Variants in ABLIM1 observed in about 807,000 individuals in gnomAD.
ABLIM1 encodes the protein actin binding LIM protein 1, also known as actin-binding LIM protein 1.
ABLIM1 carries 40 observed loss-of-function variants against 107.0 expected under a neutral mutation model. That is an observed-to-expected ratio of 0.37 (90% confidence interval 0.29 to 0.49). ABLIM1 has a LOEUF of 0.49. Among genes scored for constraint, ABLIM1 ranks in the 20% least tolerant of loss-of-function variants. The pLI is 0.97. For synonymous variants in ABLIM1, 357 were observed against 357.3 expected (o/e 1.00, Z 0.01); for missense variants, 857 against 1,008.5 (o/e 0.85, Z 2.04).
chr10:114,530,534 T>C (rs1263658618), intron 6 of ABLIM1, among the ~76,000 whole-genome samples: 2 of 152,116 alleles, frequency 1.3e-5, no homozygotes, highest in Non-Finnish European at 2.9e-5. Flanking sequence ...AATATTTATT[T>C]ATTTATTTAT....
At chr10:114,540,170 T>C (rs751878669) in intron 6 of ABLIM1, among the ~76,000 whole-genome samples, 13 of 152,134 alleles carry the variant, frequency 8.5e-5, no homozygotes, top group African/African-American at 1.2e-4. Context: ...CTATGCTGAG[T>C]GTTACGTGCT....
intron 4 of ABLIM1, among the ~76,000 whole-genome samples, chr10:114,562,484 G>A (rs566030558): frequency 4.6e-5 from 7 of 152,272 alleles, no homozygotes; most frequent in South Asian, 2.1e-4. Context: ...AGCCAAGATC[G>A]CGCCACTGCA....
chr10:114,772,553 G>C (rs566580308), upstream of ABLIM1, among the ~76,000 whole-genome samples: 4 of 152,284 alleles, frequency 2.6e-5, no homozygotes, highest in East Asian at 5.8e-4. Flanking sequence ...GCTGCGGTGA[G>C]CTATGATTGC....
chr10:114,684,249 A>C (rs1208317758), intron 1 of ABLIM1: 2 of 1,600,644 alleles, frequency 1.2e-6, no homozygotes, highest in South Asian at 2.2e-5. Flanking sequence ...GGTCGACCCC[A>C]GACAGAATAT....
chr10:114,703,645 C>T (rs1241686349), intron 1 of ABLIM1, among the ~76,000 whole-genome samples: 1 of 152,244 alleles, frequency 6.6e-6, no homozygotes, highest in African/African-American at 2.4e-5. Flanking sequence ...AGGAGGTCAG[C>T]ATTCAGTCAT....
chr10:114,732,607 G>A (rs2082099389), intron 1 of ABLIM1, among the ~76,000 whole-genome samples: 1 of 151,960 alleles, frequency 6.6e-6, no homozygotes. Flanking sequence ...TTCCTTGGTT[G>A]CTTGTGCTAA....
chr10:114,635,429 C>T (rs929386201), intron 1 of ABLIM1, among the ~76,000 whole-genome samples: 3 of 152,258 alleles, frequency 2.0e-5, no homozygotes, highest in Non-Finnish European at 2.9e-5. Context: ...GGGTCACTTA[C>T]TGTACGTGCA....
intron 6 of ABLIM1, among the ~76,000 whole-genome samples, chr10:114,541,996 C>T (rs1483671984): frequency 6.6e-6 from 1 of 152,134 alleles, no homozygotes; most frequent in Non-Finnish European, 1.5e-5. Context: ...CACAGCTCCA[C>T]ATGTGGACTA....
At chr10:114,647,314 T>C (rs2483530) in intron 1 of ABLIM1, among the ~76,000 whole-genome samples, 3,250 of 151,188 alleles carry the variant, frequency 0.021, 103 homozygotes, top group African/African-American at 0.076. Context: ...AGTTATTAAG[T>C]AGCCACTGCC....
At chr10:114,532,383 C>A (rs1297399823) in intron 6 of ABLIM1, among the ~76,000 whole-genome samples, 8 of 152,216 alleles carry the variant, frequency 5.3e-5, no homozygotes, top group African/African-American at 1.9e-4. Flanking sequence ...GACTAGCTGG[C>A]AAACTACAAG....
chr10:114,558,308 G>A (rs896558522), intron 4 of ABLIM1, among the ~76,000 whole-genome samples: 13 of 152,020 alleles, frequency 8.6e-5, no homozygotes, highest in Admixed American at 4.6e-4. Context: ...TATTCATTAC[G>A]CAGGAATCCC....
chr10:114,452,934 G>A (rs963848411), intron 13 of ABLIM1, among the ~76,000 whole-genome samples: 2 of 152,176 alleles, frequency 1.3e-5, no homozygotes, highest in African/African-American at 4.8e-5. Context: ...AGTCCTTGGA[G>A]AAAGTCTCCA....
At chr10:114,789,013 T>C in the ABLIM1 span, among the ~76,000 whole-genome samples, 6 of 152,070 alleles carry the variant, frequency 3.9e-5, no homozygotes, top group Non-Finnish European at 5.9e-5. Context: ...TCCCAGCCCT[T>C]TGGGAGGCCG....
chr10:114,630,652 T>C (rs2078113725), intron 1 of ABLIM1, among the ~76,000 whole-genome samples: 2 of 152,204 alleles, frequency 1.3e-5, no homozygotes, highest in African/African-American at 2.4e-5. Flanking sequence ...AAGGATCATC[T>C]TGAGTTCAGC....
intron 10 of ABLIM1, among the ~76,000 whole-genome samples, chr10:114,469,553 C>T (rs753871142): frequency 7.9e-5 from 12 of 152,222 alleles, no homozygotes; most frequent in Middle Eastern, 3.2e-3. Flanking sequence ...ACAGCATCTC[C>T]GTGACCATTC....
intron 20 of ABLIM1, 106 bp downstream of exon 20, chr10:114,439,976 C>T (rs2059964533): frequency 6.4e-7 from 1 of 1,573,638 alleles, no homozygotes; most frequent in Admixed American, 1.7e-5. Context: ...TCAACCACAA[C>T]AAGCATCTTC....
chr10:114,558,373 G>A lies in ABLIM1; in HGVS notation c.674-10597C>T, dbSNP rs117522349. ...GCACAAAAGAAATAGAAGATAGTCT[G>A]TTGTGGACTTAATACCAACTCAGAC... On this transcript the variant is annotated intron_variant, in intron 4 of 22. Transcript: ENST00000533213. Among the ~76,000 whole-genome samples the A allele has an allele frequency of 1.3e-3, 197 of 152,314 alleles. 4 individuals are homozygous for A. The East Asian group carries it at 0.032, about 24-fold the overall frequency.
intron 14 of ABLIM1, among the ~76,000 whole-genome samples, chr10:114,448,877 TG>T (rs1464754290): frequency 6.6e-6 from 1 of 152,214 alleles, no homozygotes; most frequent in Non-Finnish European, 1.5e-5. Flanking sequence ...CCCAAAGTGC[TG>T]GGATTACAGG....
chr10:114,790,072 C>A, the ABLIM1 span, among the ~76,000 whole-genome samples: 2 of 152,188 alleles, frequency 1.3e-5, no homozygotes, highest in Admixed American at 6.5e-5. Flanking sequence ...GGATTACAGG[C>A]GTGAGCCACT....
Sources: allele counts gnomAD v4.1 joint callset (sites outside exome capture counted in the v4.1 genomes callset), GRCh38; gene constraint gnomAD v4.1.1; transcripts MANE v1.5; gene names NCBI Gene and HGNC (gene_info 2026-07-23, HGNC 2026-07-21).